The following PAH variants were observed in gnomAD, a reference collection of about 807,000 sequenced individuals.
PAH encodes phenylalanine hydroxylase, also known as phenylalanine-4-hydroxylase.
Under a neutral mutation model 62.0 loss-of-function variants are expected in PAH, and 64 were observed. The observed-to-expected ratio is 1.03, with a 90% CI of 0.84 to 1.27. The LOEUF is 1.27. Ranked by LOEUF, PAH falls within the 50% of genes most tolerant of loss-of-function variation. The pLI is 0.00. For missense variants in PAH, 579 were observed against 542.8 expected (o/e 1.07, Z -0.66); for synonymous variants, 195 against 196.2 (o/e 0.99, Z 0.05).
intron 1 of PAH, among the ~76,000 whole-genome samples, chr12:102,940,653 T>G (rs1385980867): frequency 6.6e-6 from 1 of 152,138 alleles, no homozygotes. Flanking sequence ...AAGCAAAACC[T>G]CTGAGAAATG....
At chr12:102,868,435 A>AT (rs141286717) in intron 4 of PAH, among the ~76,000 whole-genome samples, 5,922 of 150,710 alleles carry the variant, frequency 0.039, 379 homozygotes, top group African/African-American at 0.13. Context: ...ACTACTACAC[A>AT]TTTTTTTTTA....
At chr12:102,880,751 C>T (rs1035451936) in intron 3 of PAH, among the ~76,000 whole-genome samples, 14 of 151,670 alleles carry the variant, frequency 9.2e-5, no homozygotes, top group African/African-American at 1.9e-4. Flanking sequence ...AGGGACAACA[C>T]GAGATAAGCA....
chr12:102,888,553 G>A (rs1283672797), intron 3 of PAH, among the ~76,000 whole-genome samples: 1 of 149,710 alleles, frequency 6.7e-6, no homozygotes, highest in African/African-American at 2.5e-5. Context: ...TAGATGGGCT[G>A]CAGAAATAGC....
At chr12:102,936,624 A>G (rs1342012382) in intron 1 of PAH, among the ~76,000 whole-genome samples, 1 of 152,214 alleles carries the variant, frequency 6.6e-6, no homozygotes, top group Non-Finnish European at 1.5e-5. Flanking sequence ...CCACTTTATC[A>G]TTATATAATG....
intron 1 of PAH, chr12:102,945,100 C>G (rs1280442320): frequency 6.6e-6 from 1 of 152,230 alleles, no homozygotes; most frequent in Admixed American, 6.5e-5. Context: ...GTTTTTAATC[C>G]TTACTTCCTC....
chr12:102,958,426 A>C, upstream of PAH: 1 of 1,548,038 alleles, frequency 6.5e-7, no homozygotes, highest in Non-Finnish European at 8.7e-7. Flanking sequence ...CAGCAGCAGC[A>C]GCAGGCGCCG....
chr12:102,934,574 G>T (rs34825238), intron 1 of PAH, among the ~76,000 whole-genome samples: 46,496 of 151,640 alleles, frequency 0.31, 7,979 homozygotes, highest in African/African-American at 0.48. Context: ...TCTTTCTATG[G>T]TTTTTGCATC....
chr12:102,855,424 C>A lies in PAH; in HGVS notation c.510-92G>T, dbSNP rs1026285360. 7.7e-6 allele frequency: 7 copies of A among 911,752 alleles called. No individual in the cohort carries two copies. In the East Asian group the frequency reaches 1.5e-4, roughly 20 times the overall value. 56.5% of individuals were successfully genotyped at this position (911,752 alleles called of 1,614,324 possible). A position where few individuals can be genotyped will look rare whatever the true frequency, so the allele number is the denominator to read the frequency against. ...AGCAGAGGGAGTCGGGGACCAGAAC[C>A]TGTGAGCTGCCATCACTTGCTACAG... On this transcript the variant is annotated intron_variant, in intron 5 of 12. Transcript: ENST00000553106.
In PAH at chr12:102,957,297, C is replaced by A. The variant is rs1027083166; in HGVS notation, c.-96+898G>T. Reference sequence around the variant, plus strand: ...CACCCCAAGTCTTTCCACCTATACACCTCAATTCCTAGAGCCATTTGTCCC... The same window carrying A: ...CACCCCAAGTCTTTCCACCTATACAACTCAATTCCTAGAGCCATTTGTCCC... On this transcript the variant is annotated intron_variant, in intron 1 of 4. Transcript: ENST00000551337. This position sits in a 1 kb window ranked among gnomAD's most constrained non-coding sequence, Gnocchi z 4.1. Among the ~76,000 whole-genome samples, 1 of 152,180 alleles carries A rather than the reference C, an allele frequency of 6.6e-6. No homozygotes were observed. The highest frequency in any genetic ancestry group is 2.4e-5 in the African/African-American group (1 of 41,444).
chr12:102,849,012 A>G lies in PAH; in HGVS notation c.913-2061T>C, dbSNP rs568284220. On this transcript the variant is annotated intron_variant, in intron 8 of 12. Transcript: ENST00000553106. ...GGCTGAGTGTAGACAGAACACATGG[A>G]GACTGGAGGGGTCCAGGGTAGAGAC... Among the ~76,000 whole-genome samples the G allele has an allele frequency of 3.3e-5, 5 of 152,272 alleles. No homozygotes were observed. The East Asian group carries it at 7.7e-4, about 24-fold the overall frequency.
At chr12:102,871,987 T>C (rs1848789072) in intron 4 of PAH, among the ~76,000 whole-genome samples, 1 of 138,374 alleles carries the variant, frequency 7.2e-6, no homozygotes. Context: ...TATATATATT[T>C]GCAAAACCTA....
chr12:102,955,901 C>G (rs1428639248), intron 1 of PAH, among the ~76,000 whole-genome samples: 2 of 152,140 alleles, frequency 1.3e-5, no homozygotes, highest in Non-Finnish European at 2.9e-5. Context: ...CCTCTGTTGG[C>G]ACGATTTGGT....
intron 4 of PAH, among the ~76,000 whole-genome samples, chr12:102,870,829 T>G (rs554766347): frequency 2.6e-5 from 4 of 152,298 alleles, no homozygotes; most frequent in African/African-American, 9.6e-5. Context: ...AACAGTAGAC[T>G]AGGGGAGCAC....
At chr12:102,922,414 G>A (rs34998754) in intron 1 of PAH, among the ~76,000 whole-genome samples, 1,845 of 151,970 alleles carry the variant, frequency 0.012, 15 homozygotes, top group Middle Eastern at 0.034. Flanking sequence ...GGTTAGTCTC[G>A]ATCTCCTGAA....
At chr12:102,839,292 A>T in intron 12 of PAH, 74 bp from the exon 13 acceptor site, 1 of 1,411,816 alleles carries the variant, frequency 7.1e-7, no homozygotes, top group Non-Finnish European at 1.0e-6. Flanking sequence ...CTCAGTGCAA[A>T]GCACTAGGGG....
At chr12:102,903,049 T>C (rs1877824131) in intron 2 of PAH, among the ~76,000 whole-genome samples, 3 of 152,016 alleles carry the variant, frequency 2.0e-5, no homozygotes, top group Admixed American at 6.6e-5. Context: ...ACCAAATTGG[T>C]AAAATATTCT....
At chr12:102,885,496 C>A (rs1042182539) in intron 3 of PAH, among the ~76,000 whole-genome samples, 1 of 152,168 alleles carries the variant, frequency 6.6e-6, no homozygotes, top group Non-Finnish European at 1.5e-5. Context: ...GCAACAGAGG[C>A]CCTCTGTGGA....
intron 2 of PAH, among the ~76,000 whole-genome samples, chr12:102,896,873 A>G (rs1234622879): frequency 6.6e-6 from 1 of 152,212 alleles, no homozygotes; most frequent in East Asian, 1.9e-4. Context: ...GGACAATGCA[A>G]GGATGAATAA....
At chr12:102,888,891 C>A (rs1877150027) in intron 3 of PAH, among the ~76,000 whole-genome samples, 1 of 152,084 alleles carries the variant, frequency 6.6e-6, no homozygotes, top group African/African-American at 2.4e-5. Flanking sequence ...GAGCCACATA[C>A]ATCTACAGCT....
Sources: gnomAD v4.1 joint callset for allele counts (sites outside exome capture counted in the v4.1 genomes callset) on GRCh38, gnomAD v4.1.1 for gene constraint, Gnocchi (gnomAD v3.1) non-coding constraint, MANE v1.5 for transcripts, NCBI Gene and HGNC (gene_info 2026-07-23, HGNC 2026-07-21) for gene names.